XRCC5: variants seen among roughly 807,000 people sequenced by gnomAD.
XRCC5 encodes DNA repair protein Ku80.
A neutral mutation model predicts 95.7 loss-of-function variants in XRCC5; 12 were observed. That is an observed-to-expected ratio of 0.13 (90% CI 0.08 to 0.20). The LOEUF is 0.20. Ranked by LOEUF, XRCC5 falls within the 10% of genes least tolerant of loss-of-function variation. The pLI is 1.00. For synonymous variants in XRCC5, 281 were observed against 290.3 expected (o/e 0.97, Z 0.33); for missense variants, 595 against 873.9 (o/e 0.68, Z 4.02).
rs140266325 is a variant in XRCC5 at position 216,152,505 on chromosome 2, G to A, written c.1670+4229G>A. Among the ~76,000 whole-genome samples the A allele has an allele frequency of 7.2e-5, 11 of 151,998 alleles. No individual in the cohort carries two copies. In the East Asian group the frequency reaches 9.7e-4, roughly 13 times the overall value. On this transcript the variant is annotated intron_variant, in intron 14 of 20. Transcript: ENST00000392132. ...CGTAACCGTATCAGGTGAGAACTCC[G>A]CAGTTTTGTGGCCCATCTTATCTCA...
chr2:216,162,139 C>T, intron 16 of XRCC5, 91 bp downstream of exon 16: 2 of 1,259,566 alleles, frequency 1.6e-6, no homozygotes, highest in Non-Finnish European at 2.3e-6. Flanking sequence ...TTTGTTGTAA[C>T]ACTTTAGCAT....
At chr2:216,143,421 A>G (rs1298580328) in intron 13 of XRCC5, among the ~76,000 whole-genome samples, 5 of 152,238 alleles carry the variant, frequency 3.3e-5, no homozygotes, top group African/African-American at 9.6e-5. Context: ...AGAAACTTCT[A>G]TTAATACTAT....
chr2:216,167,914 T>G (rs774855991), intron 16 of XRCC5, among the ~76,000 whole-genome samples: 9 of 152,202 alleles, frequency 5.9e-5, no homozygotes, highest in Non-Finnish European at 1.2e-4. Context: ...AAATTCATGA[T>G]TAAGGATTCC....
At chr2:216,187,465 A>G (rs1448900522) in intron 16 of XRCC5, among the ~76,000 whole-genome samples, 1 of 74,412 alleles carries the variant, frequency 1.3e-5, no homozygotes, top group Non-Finnish European at 2.8e-5. Flanking sequence ...TAAGATAGCA[A>G]CTGTGTGTGT....
At position 216,148,297 on chromosome 2, in the gene XRCC5, C is replaced by G. The variant is rs749673711; in HGVS notation, c.1670+21C>G. 6.9e-6 allele frequency: 11 copies of G among 1,594,442 alleles called. No individual in the cohort carries two copies. In the African/African-American group the frequency reaches 1.5e-4, roughly 22 times the overall value. On this transcript the variant is annotated intron_variant, in intron 14 of 20. Transcript: ENST00000392132. ...GACAAGTAAGTACTTGGTATAGTTGCATTTAACATTGGGGTACATAAGAGT... is the reference window on the plus strand; with the variant it reads ...GACAAGTAAGTACTTGGTATAGTTGGATTTAACATTGGGGTACATAAGAGT...
intron 19 of XRCC5, among the ~76,000 whole-genome samples, chr2:216,195,761 G>T (rs554573949): frequency 6.6e-6 from 1 of 152,266 alleles, no homozygotes; most frequent in African/African-American, 2.4e-5. Context: ...AGGTTGTGAT[G>T]AAATTTTAAT....
In XRCC5 at chr2:216,148,242, G is replaced by T; in HGVS notation, c.1636G>T (p.Asp546Tyr). ...LFPLIEAKKK[D>Y]QVTAQEIFQD... ...TCCTCTGATTGAAGCCAAGAAAAAG[G>T]ATCAAGTGACTGCTCAGGAAATTTT... is the stretch of plus-strand genomic sequence containing the variant. The change falls in exon 14 of 21, where the codon GAT becomes TAT. Residue 546 changes from aspartate (D) to tyrosine (Y), a missense_variant. Transcript: ENST00000392132. 6.2e-7 allele frequency: 1 copy of T among 1,611,694 alleles called. No individual in the cohort carries two copies.
chr2:216,174,807 G>T, intron 16 of XRCC5: 1 of 197,516 alleles, frequency 5.1e-6, no homozygotes, highest in Non-Finnish European at 1.0e-5. Context: ...TAATGCATTT[G>T]GGATGACTAT....
chr2:216,167,195 G>T (rs774733403), intron 16 of XRCC5, among the ~76,000 whole-genome samples: 1 of 152,106 alleles, frequency 6.6e-6, no homozygotes, highest in Non-Finnish European at 1.5e-5. Flanking sequence ...TGATTAGAAG[G>T]TGATCACTTC....
intron 17 of XRCC5, among the ~76,000 whole-genome samples, chr2:216,192,068 G>A (rs1214916391): frequency 2.0e-5 from 3 of 151,918 alleles, no homozygotes; most frequent in Admixed American, 6.6e-5. Flanking sequence ...GCATGATCTC[G>A]GCTCACTGCA....
chr2:216,187,813 A>ACTCT (rs1559261197), intron 16 of XRCC5, among the ~76,000 whole-genome samples: 1 of 107,940 alleles, frequency 9.3e-6, no homozygotes, highest in East Asian at 2.7e-4. Flanking sequence ...ACACACACAC[A>ACTCT]CACACACACT....
chr2:216,151,940 G>C (rs906122945), intron 14 of XRCC5, among the ~76,000 whole-genome samples: 1 of 152,184 alleles, frequency 6.6e-6, no homozygotes, highest in African/African-American at 2.4e-5. Flanking sequence ...CATGGCAGAA[G>C]GCGAGGGAGA....
chr2:216,119,031 TC>T lies in XRCC5; in HGVS notation c.369-11del, dbSNP rs1696752955. The stretch of plus-strand genomic sequence containing the variant: ...GAGAATGATTTCTTAATATGATAAC[TC>T]TCTCTTTTAGAGGAAAGAAGTTTGA... On this transcript the variant is annotated splice_polypyrimidine_tract_variant and intron_variant, in intron 4 of 20. Transcript: ENST00000392132. 1.9e-6 allele frequency: 3 copies of T among 1,612,418 alleles called. No individual in the cohort carries two copies. The African/African-American group carries it at 4.0e-5, about 22-fold the overall frequency.
At chr2:216,116,965 A>T in intron 3 of XRCC5, 123 bp downstream of exon 3, 1 of 1,071,522 alleles carries the variant, frequency 9.3e-7, no homozygotes, top group Non-Finnish European at 1.4e-6. Context: ...TGCTCTGAGG[A>T]GGGGGAGGTA....
At chr2:216,115,412 A>G (rs1696677474) in intron 2 of XRCC5, among the ~76,000 whole-genome samples, 2 of 152,202 alleles carry the variant, frequency 1.3e-5, no homozygotes, top group Admixed American at 6.5e-5. Flanking sequence ...TGTCTAGGGC[A>G]AGATTACCTT....
chr2:216,144,507 A>G (rs1045655259), intron 13 of XRCC5, among the ~76,000 whole-genome samples: 1 of 152,232 alleles, frequency 6.6e-6, no homozygotes, highest in Non-Finnish European at 1.5e-5. Flanking sequence ...TTTAGAAGGT[A>G]TAGATAGAAC....
intron 13 of XRCC5, among the ~76,000 whole-genome samples, chr2:216,147,299 C>T (rs1052459544): frequency 3.3e-5 from 5 of 152,062 alleles, no homozygotes; most frequent in Non-Finnish European, 1.5e-5. Context: ...AGGAGCCCAG[C>T]CTATTGGGGT....
intron 14 of XRCC5, among the ~76,000 whole-genome samples, chr2:216,157,237 T>C (rs1688861792): frequency 2.3e-5 from 2 of 86,542 alleles, no homozygotes; most frequent in African/African-American, 6.0e-5. Context: ...TGTTTTTTTT[T>C]TGTTGTTGTT....
intron 19 of XRCC5, among the ~76,000 whole-genome samples, chr2:216,203,187 G>T (rs977858964): frequency 6.6e-6 from 1 of 152,056 alleles, no homozygotes; most frequent in African/African-American, 2.4e-5. Context: ...CTCTCACCGC[G>T]TGCCTGCTCC....
Sources: allele counts gnomAD v4.1 joint callset (sites outside exome capture counted in the v4.1 genomes callset), GRCh38; gene constraint gnomAD v4.1.1; transcripts MANE v1.5; gene names NCBI Gene and HGNC (gene_info 2026-07-23, HGNC 2026-07-21).